VTCN1: variants seen among roughly 807,000 people sequenced by gnomAD.
The protein encoded by VTCN1 is V-set domain containing T cell activation inhibitor 1.
Under a neutral mutation model 26.5 loss-of-function variants are expected in VTCN1, and 26 were observed. The ratio of observed to expected loss-of-function variants is 0.98; its 90% CI spans 0.72 to 1.36. VTCN1 has a LOEUF of 1.36. Among genes scored for constraint, VTCN1 ranks in the 40% most tolerant of loss-of-function variants. The pLI is 0.00. For synonymous variants in VTCN1, 116 were observed against 130.7 expected (o/e 0.89, Z 0.77); for missense variants, 298 against 337.7 (o/e 0.88, Z 0.92).
At chr1:117,196,413 G>T (rs1199714035) in intron 1 of VTCN1, among the ~76,000 whole-genome samples, 1 of 151,094 alleles carries the variant, frequency 6.6e-6, no homozygotes, top group Non-Finnish European at 1.5e-5. Flanking sequence ...TAGAGAGAGA[G>T]AGAGAGAGAG....
chr1:117,176,802 C>T (rs777757585), intron 1 of VTCN1, among the ~76,000 whole-genome samples: 18 of 152,100 alleles, frequency 1.2e-4, no homozygotes, highest in Non-Finnish European at 2.6e-4. Flanking sequence ...TCAGCCTATC[C>T]AAAGAGGAGA....
At chr1:117,166,880 T>C (rs1179539411) in intron 2 of VTCN1, among the ~76,000 whole-genome samples, 1 of 150,446 alleles carries the variant, frequency 6.6e-6, no homozygotes, top group African/African-American at 2.4e-5. Flanking sequence ...TCACTTGAGG[T>C]CAGGAGTTCG....
At chr1:117,200,213 G>A (rs1035029770) in intron 1 of VTCN1, among the ~76,000 whole-genome samples, 3 of 152,116 alleles carry the variant, frequency 2.0e-5, no homozygotes, top group Admixed American at 6.6e-5. Context: ...AGACCAACCT[G>A]GACAACATAG....
chr1:117,194,097 G>T (rs1557876279), intron 1 of VTCN1, among the ~76,000 whole-genome samples: 1 of 152,004 alleles, frequency 6.6e-6, no homozygotes. Context: ...AAGAATAGAA[G>T]AAAATATTTG....
At chr1:117,170,869 G>A in intron 1 of VTCN1, among the ~76,000 whole-genome samples, 1 of 151,906 alleles carries the variant, frequency 6.6e-6, no homozygotes, top group East Asian at 1.9e-4. Context: ...TTTAAGTTCT[G>A]GGATACATGT....
Position 117,161,321 on chromosome 1 carries a change from C to A in VTCN1, c.98-4400G>T, listed in dbSNP as rs538971944. Reference sequence around the variant, plus strand: ...TGTACCTATTAATTCATAGCTCACACTTCTTTAACACCAGTTATGCAAATT... The same window carrying A: ...TGTACCTATTAATTCATAGCTCACAATTCTTTAACACCAGTTATGCAAATT... On this transcript the variant is annotated intron_variant, in intron 2 of 5. Coordinates refer to ENST00000369458, the MANE Select transcript of VTCN1 (RefSeq NM_024626.4). This position sits in a 1 kb window ranked among gnomAD's most constrained non-coding sequence, Gnocchi z 4.3. 3.3e-5 allele frequency among the ~76,000 whole-genome samples: 5 copies of A among 152,326 alleles called. 1 individual carries two copies. The South Asian group carries it at 1.0e-3, about 32-fold the overall frequency.
rs1213926707 is a variant in VTCN1 at position 117,155,813 on chromosome 1, G to C, written c.445+761C>G. The stretch of plus-strand genomic sequence containing the variant: ...CCTCAAATGCCAGCTTCTCCAGGGG[G>C]CTTTCCCATCCCTTCCCTCCTATGC... On this transcript the variant is annotated intron_variant, in intron 3 of 5. Coordinates refer to ENST00000369458, the MANE Select transcript of VTCN1 (RefSeq NM_024626.4). The surrounding 1 kb of genome is among the most constrained non-coding windows in gnomAD (Gnocchi z 4.8). Among the ~76,000 whole-genome samples, 1 of 152,122 alleles carries C rather than the reference G, an allele frequency of 6.6e-6. No individual in the cohort carries two copies. Among genetic ancestry groups the C allele is most frequent in the African/African-American group, 2.4e-5 (1 of 41,416 alleles).
intron 4 of VTCN1, among the ~76,000 whole-genome samples, 166 bp downstream of exon 4, chr1:117,152,925 T>C (rs1651870363): frequency 6.6e-6 from 1 of 152,214 alleles, no homozygotes; most frequent in Non-Finnish European, 1.5e-5. Context: ...GTGTTGGGCT[T>C]TCTCTTATGT....
intron 1 of VTCN1, among the ~76,000 whole-genome samples, chr1:117,171,867 T>A (rs1652933861): frequency 6.6e-6 from 1 of 152,160 alleles, no homozygotes; most frequent in Non-Finnish European, 1.5e-5. Context: ...CTCAACTCCC[T>A]CCAAGTGTAC....
intron 1 of VTCN1, among the ~76,000 whole-genome samples, chr1:117,187,510 T>A (rs1648008356): frequency 6.6e-6 from 1 of 152,154 alleles, no homozygotes. Flanking sequence ...CCTTCTTTAG[T>A]GTATAGCTTC....
chr1:117,153,037 T>C, intron 4 of VTCN1, 54 bp downstream of exon 4: 1 of 1,548,118 alleles, frequency 6.5e-7, no homozygotes, highest in Non-Finnish European at 8.7e-7. Flanking sequence ...TAAATTTTAA[T>C]TTAGATTTTA....
At chr1:117,195,262 AAATAATAAT>A (rs61710825) in intron 1 of VTCN1, among the ~76,000 whole-genome samples, 3,635 of 142,396 alleles carry the variant, frequency 0.026, 159 homozygotes, top group African/African-American at 0.085. Context: ...CTCCGTCTCA[AAATAATAAT>A]AATAATAATA....
chr1:117,166,760 T>C (rs1349764408), intron 2 of VTCN1, among the ~76,000 whole-genome samples: 2 of 151,860 alleles, frequency 1.3e-5, no homozygotes, highest in Non-Finnish European at 2.9e-5. Flanking sequence ...TTCCAAAATA[T>C]TTGGTTTATC....
intron 1 of VTCN1, among the ~76,000 whole-genome samples, chr1:117,198,365 T>C (rs1469058669): frequency 6.6e-6 from 1 of 152,182 alleles, no homozygotes; most frequent in Admixed American, 6.5e-5. Context: ...AAAGGATCTC[T>C]CATGGGAAGG....
At position 117,175,769 on chromosome 1, in the gene VTCN1, C is replaced by CTT. The variant is rs200520408; in HGVS notation, c.33-5599_33-5598insAA. Among the ~76,000 whole-genome samples, 234 of 87,608 alleles carry CTT rather than the reference C, an allele frequency of 2.7e-3. 4 individuals carry two copies. Among genetic ancestry groups the CTT allele is most frequent in the African/African-American group, 8.2e-3 (220 of 26,904 alleles). The allele number at this position is 87,608 out of a possible 152,430, so 57.5% of individuals were successfully genotyped here. A position where few individuals can be genotyped will look rare whatever the true frequency, so the allele number is the denominator to read the frequency against. On this transcript the variant is annotated intron_variant, in intron 1 of 5. Coordinates refer to ENST00000369458, the MANE Select transcript of VTCN1 (RefSeq NM_024626.4). The surrounding 1 kb of genome is among the most constrained non-coding windows in gnomAD (Gnocchi z 4.2). The stretch of plus-strand genomic sequence containing the variant: ...GAGAGATACCTATCTCTCTCTCTCT[C>CTT]TCTCTTTTTTTTTTTTTTTGAGATG...
intron 1 of VTCN1, among the ~76,000 whole-genome samples, chr1:117,207,146 G>A (rs1056392217): frequency 1.3e-5 from 2 of 152,104 alleles, no homozygotes; most frequent in African/African-American, 2.4e-5. Context: ...AGGAGAAATG[G>A]GAAACCAAAA....
At chr1:117,164,750 CAG>C (rs1652528762) in intron 2 of VTCN1, among the ~76,000 whole-genome samples, 1 of 152,150 alleles carries the variant, frequency 6.6e-6, no homozygotes, top group South Asian at 2.1e-4. Context: ...TGTTCAAAGT[CAG>C]AGGGTGCGTG....
At position 117,182,041 on chromosome 1, in the gene VTCN1, G is replaced by A. The variant is rs545323188; in HGVS notation, c.33-11870C>T. ...AGAGATTCAGAGAAGCACTTGGGCT[G>A]GCTGCTTCTCGGAAAGCCTAGCCCT... On this transcript the variant is annotated intron_variant, in intron 1 of 5. Transcript: ENST00000369458. Among the ~76,000 whole-genome samples, 37 of 152,228 alleles carry A rather than the reference G, an allele frequency of 2.4e-4. No homozygotes were observed. The South Asian group carries it at 7.7e-3, about 32-fold the overall frequency.
In VTCN1 at chr1:117,155,373, G is replaced by C. The variant is rs2101462186; in HGVS notation, c.445+1201C>G. On this transcript the variant is annotated intron_variant, in intron 3 of 5. Coordinates refer to ENST00000369458, the MANE Select transcript of VTCN1 (RefSeq NM_024626.4). This position sits in a 1 kb window ranked among gnomAD's most constrained non-coding sequence, Gnocchi z 4.8. ...CTGAGTGGGATAGGGAAGGTTTCAA[G>C]CTCCACTTTTTGGAGGGAAGAGATC... Among the ~76,000 whole-genome samples the C allele has an allele frequency of 6.6e-6, 1 of 152,278 alleles. No homozygotes were observed. The highest frequency in any genetic ancestry group is 2.1e-4 in the South Asian group (1 of 4,824).
Sources: gnomAD v4.1 joint callset for allele counts (sites outside exome capture counted in the v4.1 genomes callset) on GRCh38, gnomAD v4.1.1 for gene constraint, Gnocchi (gnomAD v3.1) non-coding constraint, MANE v1.5 for transcripts, NCBI Gene and HGNC (gene_info 2026-07-23, HGNC 2026-07-21) for gene names.